The following CNTN6 variants were observed in gnomAD, a reference collection of about 807,000 sequenced individuals.
CNTN6 encodes the protein contactin-6.
CNTN6 carries 137 observed loss-of-function variants against 122.8 expected under a neutral mutation model. The ratio of observed to expected loss-of-function variants is 1.12; its 90% CI spans 0.97 to 1.29. The LOEUF (loss-of-function observed/expected upper bound fraction) is 1.29. Among genes scored for constraint, CNTN6 ranks in the 50% most tolerant of loss-of-function variants. CNTN6 has a pLI of 0.00. For synonymous variants in CNTN6, 570 were observed against 426.0 expected, an observed-to-expected ratio of 1.34 and a Z score of -4.16; for missense variants, 1,634 against 1,223.4, an observed-to-expected ratio of 1.34 and a Z score of -5.01.
At chr3:1,241,116 A>G (rs1174951199) in intron 4 of CNTN6, among the ~76,000 whole-genome samples, 1 of 152,048 alleles carries the variant, frequency 6.6e-6, no homozygotes, top group Non-Finnish European at 1.5e-5. Flanking sequence ...CAATGGTGGA[A>G]TGTCATCAGT....
Position 1,277,346 on chromosome 3 carries a change from C to CTTTTTTTTTTTTTTTTTTTTTTTTT in CNTN6, c.359-1060_359-1036dup, listed in dbSNP as rs10599744. Among the ~76,000 whole-genome samples the CTTTTTTTTTTTTTTTTTTTTTTTTT allele has an allele frequency of 7.5e-5, 6 of 80,192 alleles. 1 individual carries two copies. Among genetic ancestry groups the CTTTTTTTTTTTTTTTTTTTTTTTTT allele is most frequent in the Admixed American group, 1.7e-4 (1 of 6,050 alleles). The allele number at this position is 80,192 out of a possible 152,430, so 52.6% of individuals were successfully genotyped here. A position where few individuals can be genotyped will look rare whatever the true frequency, so the allele number is the denominator to read the frequency against. ...CTACTTCTGTCTTTTAGTAGGTTTT[C>CTTTTTTTTTTTTTTTTTTTTTTTTT]TTTTTTTTTTTTTTTTTTTTTTTTT... On this transcript the variant is annotated intron_variant, in intron 4 of 22. Coordinates refer to ENST00000446702, the MANE Select transcript of CNTN6 (RefSeq NM_001289080.2).
intron 11 of CNTN6, among the ~76,000 whole-genome samples, chr3:1,336,438 A>G (rs155233): frequency 0.012 from 1,775 of 152,256 alleles, 38 homozygotes; most frequent in African/African-American, 0.041. Context: ...CAGAGAATCA[A>G]ACTGACTCAA....
intron 1 of CNTN6, among the ~76,000 whole-genome samples, chr3:1,102,549 T>A (rs1288779105): frequency 2.7e-5 from 4 of 149,752 alleles, no homozygotes; most frequent in African/African-American, 9.9e-5. Flanking sequence ...GCTAACACGG[T>A]GAAACCCCGT....
chr3:1,338,512 A>T (rs987832863), intron 11 of CNTN6, among the ~76,000 whole-genome samples: 1 of 152,104 alleles, frequency 6.6e-6, no homozygotes, highest in Non-Finnish European at 1.5e-5. Flanking sequence ...GCTTCATTTT[A>T]TCTCTGTTCC....
chr3:1,103,072 C>T (rs1452358511), intron 1 of CNTN6, among the ~76,000 whole-genome samples: 3 of 151,962 alleles, frequency 2.0e-5, no homozygotes, highest in African/African-American at 7.3e-5. Context: ...CGCCACCGCA[C>T]TCCAGCCTGG....
chr3:1,211,655 C>T (rs2094039836), intron 2 of CNTN6, among the ~76,000 whole-genome samples: 1 of 152,130 alleles, frequency 6.6e-6, no homozygotes, highest in Non-Finnish European at 1.5e-5. Flanking sequence ...CCCACCCTCT[C>T]TCTCTATCAT....
intron 1 of CNTN6, among the ~76,000 whole-genome samples, chr3:1,099,762 T>G (rs1269474214): frequency 6.6e-6 from 1 of 152,200 alleles, no homozygotes; most frequent in Non-Finnish European, 1.5e-5. Context: ...GAAGTTGGAC[T>G]TATTTCTTAC....
chr3:1,327,707 A>T (rs1393489565), intron 10 of CNTN6, 121 bp downstream of exon 10: 2 of 991,736 alleles, frequency 2.0e-6, no homozygotes, highest in Non-Finnish European at 2.9e-6. Context: ...AATAATGGGA[A>T]ATGTCTAAAT....
chr3:1,325,654 G>A (rs265780), intron 8 of CNTN6, among the ~76,000 whole-genome samples, 161 bp from the exon 9 acceptor site: 6,852 of 151,784 alleles, frequency 0.045, 497 homozygotes, highest in African/African-American at 0.16. Context: ...CTGTCAACCC[G>A]CATTGAAGCT....
chr3:1,398,252 T>C (rs555119731), intron 20 of CNTN6, among the ~76,000 whole-genome samples: 81 of 152,272 alleles, frequency 5.3e-4, no homozygotes, highest in Non-Finnish European at 9.1e-4. Flanking sequence ...CTGTTAACAG[T>C]ACTCACATTA....
chr3:1,354,555 TTTTTCTTGTC>T (rs1706238241), intron 12 of CNTN6, among the ~76,000 whole-genome samples: 1 of 151,202 alleles, frequency 6.6e-6, no homozygotes. Context: ...ATTATGGTTT[TTTTTCTTGTC>T]TTTTCTTCCC....
chr3:1,342,950 C>T (rs1194524795), intron 11 of CNTN6, among the ~76,000 whole-genome samples: 2 of 152,016 alleles, frequency 1.3e-5, no homozygotes, highest in African/African-American at 4.8e-5. Flanking sequence ...CCTGCCTCTC[C>T]TGCCTCTCCT....
At chr3:1,269,951 C>T (rs534123919) in intron 4 of CNTN6, among the ~76,000 whole-genome samples, 51 of 152,196 alleles carry the variant, frequency 3.4e-4, no homozygotes, top group Non-Finnish European at 4.7e-4. Context: ...GATTTGACAC[C>T]AGGAGCTCTT....
Position 1,372,963 on chromosome 3 carries a change from T to G in CNTN6, c.1786+8T>G. The G allele has an allele frequency of 6.8e-7, 1 of 1,469,010 alleles. No individual in the cohort carries two copies. The highest frequency in any genetic ancestry group is 1.2e-5 in the South Asian group (1 of 84,614). 91.0% of individuals were successfully genotyped at this position (1,469,010 alleles called of 1,614,324 possible). On this transcript the variant is annotated splice_region_variant and intron_variant, in intron 14 of 22. Transcript: ENST00000446702. Reference sequence around the variant, plus strand: ...CCGATATCATTGTTAGAGGTAAGCATAAATGGTGAAAAAGTGATCACATTG... The same window carrying G: ...CCGATATCATTGTTAGAGGTAAGCAGAAATGGTGAAAAAGTGATCACATTG...
chr3:1,302,008 T>C lies in CNTN6; in HGVS notation c.761+4017T>C, dbSNP rs182285255. ...GTATTTAGCAAATGCCATATTGTCT[T>C]CTAAATATATAAAATTAACAAGCAT... On this transcript the variant is annotated intron_variant, in intron 7 of 22. Coordinates refer to ENST00000446702, the MANE Select transcript of CNTN6 (RefSeq NM_001289080.2). Among the ~76,000 whole-genome samples, 3 of 152,246 alleles carry C rather than the reference T, an allele frequency of 2.0e-5. No homozygotes were observed. The East Asian group carries it at 5.8e-4, about 29-fold the overall frequency.
Position 1,374,005 on chromosome 3 carries a change from T to C in CNTN6, c.2027T>C (p.Val676Ala), listed in dbSNP as rs777994053. ...SPWVEYEFRV[V>A]AGNSIGIGEP... ...TGGGTGGAATATGAATTTCGTGTTGTTGCCGGCAACAGCATTGGGATTGGA... is the reference window on the plus strand; with the variant it reads ...TGGGTGGAATATGAATTTCGTGTTGCTGCCGGCAACAGCATTGGGATTGGA... Residue 676 changes from valine (V) to alanine (A), a missense_variant, in exon 16 of 23, where the codon GTT becomes GCT. Transcript: ENST00000446702. The C allele has an allele frequency of 4.1e-5, 66 of 1,613,202 alleles. No homozygotes were observed. Among genetic ancestry groups the C allele is most frequent in the Non-Finnish European group, 5.3e-5 (63 of 1,179,444 alleles).
At chr3:1,317,974 A>C (rs1312304827) in intron 7 of CNTN6, among the ~76,000 whole-genome samples, 1 of 151,740 alleles carries the variant, frequency 6.6e-6, no homozygotes, top group East Asian at 1.9e-4. Context: ...AAAATGGAAC[A>C]ATATAACTTT....
intron 2 of CNTN6, among the ~76,000 whole-genome samples, chr3:1,183,304 C>G (rs534722751): frequency 6.6e-6 from 1 of 152,086 alleles, no homozygotes; most frequent in South Asian, 2.1e-4. Context: ...CACAATGGCA[C>G]TCAAAGACTT....
At chr3:1,267,256 A>T (rs2094941652) in intron 4 of CNTN6, among the ~76,000 whole-genome samples, 1 of 151,492 alleles carries the variant, frequency 6.6e-6, no homozygotes, top group Non-Finnish European at 1.5e-5. Context: ...TCCCTCTCCC[A>T]CCATTGAGCA....
Sources: allele counts gnomAD v4.1 joint callset (sites outside exome capture counted in the v4.1 genomes callset), GRCh38; gene constraint gnomAD v4.1.1; transcripts MANE v1.5; gene names NCBI Gene and HGNC (gene_info 2026-07-23, HGNC 2026-07-21).